Variants in PAX5 observed in about 807,000 individuals in gnomAD.
PAX5 encodes paired box 5, also known as paired box protein Pax-5.
In PAX5, 9 loss-of-function variants were observed where a neutral mutation model predicts 43.7. The observed-to-expected ratio is 0.21, with a 90% CI of 0.12 to 0.36. The LOEUF is 0.36. PAX5 is among the 10% of genes least tolerant of loss of function. The pLI, the probability that PAX5 is intolerant of heterozygous loss-of-function variation, is 1.00. For synonymous variants in PAX5, 228 were observed against 214.3 expected (o/e 1.06, Z -0.56); for missense variants, 383 against 532.7 (o/e 0.72, Z 2.77).
intron 7 of PAX5, among the ~76,000 whole-genome samples, chr9:36,891,881 C>T (rs955174505): frequency 6.6e-6 from 1 of 152,222 alleles, no homozygotes; most frequent in East Asian, 1.9e-4. Flanking sequence ...AACCAGGGAG[C>T]TGTTTACTTT....
At chr9:36,864,228 G>A (rs1265531258) in intron 8 of PAX5, 1 of 154,480 alleles carries the variant, frequency 6.5e-6, no homozygotes, top group Non-Finnish European at 1.5e-5. Context: ...TACAGAGACA[G>A]AAAGGTGACT....
At position 36,904,196 on chromosome 9, in the gene PAX5, T is replaced by C. The variant is rs148782387; in HGVS notation, c.910+19159A>G. 3.7e-3 allele frequency among the ~76,000 whole-genome samples: 561 copies of C among 152,304 alleles called. 3 individuals are homozygous for C. Among genetic ancestry groups the C allele is most frequent in the African/African-American group, 0.013 (542 of 41,566 alleles). On this transcript the variant is annotated intron_variant, in intron 7 of 9. Coordinates refer to ENST00000358127, the MANE Select transcript of PAX5 (RefSeq NM_016734.3). ...GGATGGGAGCATCAGCTATCACTCCTGCTGGTGACTCTTGGCTCATGGGAC... is the reference window on the plus strand; with the variant it reads ...GGATGGGAGCATCAGCTATCACTCCCGCTGGTGACTCTTGGCTCATGGGAC...
intron 6 of PAX5, among the ~76,000 whole-genome samples, chr9:36,935,271 T>C (rs1319325116): frequency 2.0e-5 from 3 of 152,114 alleles, no homozygotes; most frequent in Non-Finnish European, 4.4e-5. Flanking sequence ...TCCCAGCTAC[T>C]TGGGAGGCTG....
intron 5 of PAX5, among the ~76,000 whole-genome samples, chr9:36,982,478 A>T (rs1347273373): frequency 6.6e-6 from 1 of 152,122 alleles, no homozygotes; most frequent in East Asian, 1.9e-4. Context: ...AGATGGACTT[A>T]CAGTCCAAGC....
At chr9:36,863,971 T>A (rs1171306851) in intron 8 of PAX5, among the ~76,000 whole-genome samples, 1 of 152,282 alleles carries the variant, frequency 6.6e-6, no homozygotes, top group East Asian at 1.9e-4. Flanking sequence ...TAGCTGGGCA[T>A]GGTGGCATGT....
chr9:36,909,535 C>T (rs1160659694), intron 7 of PAX5, among the ~76,000 whole-genome samples: 1 of 152,272 alleles, frequency 6.6e-6, no homozygotes, highest in South Asian at 2.1e-4. Flanking sequence ...CCCTTCCTGG[C>T]TTGAGAGAGG....
chr9:36,906,051 G>A (rs1424443053), intron 7 of PAX5, among the ~76,000 whole-genome samples: 2 of 152,150 alleles, frequency 1.3e-5, no homozygotes, highest in Non-Finnish European at 2.9e-5. Context: ...GGTGCCCAGT[G>A]CCCTCACAGA....
intron 7 of PAX5, among the ~76,000 whole-genome samples, chr9:36,899,681 G>A (rs748824803): frequency 6.6e-5 from 10 of 152,146 alleles, no homozygotes; most frequent in African/African-American, 1.4e-4. Flanking sequence ...GGTTGGGGCC[G>A]GGCCACCAGG....
chr9:37,015,266 C>T lies in PAX5; in HGVS notation c.213-72G>A. On this transcript the variant is annotated intron_variant, in intron 2 of 9. Transcript: ENST00000358127. This position sits in a 1 kb window ranked among gnomAD's most constrained non-coding sequence, Gnocchi z 4.4. Reference sequence around the variant, plus strand: ...TGGATATTGGCAACAAAATAACGGGCTACTCTGGCCAGGAAACGTCCGGAT... The same window carrying T: ...TGGATATTGGCAACAAAATAACGGGTTACTCTGGCCAGGAAACGTCCGGAT... 2 of 1,364,510 alleles carry T rather than the reference C, an allele frequency of 1.5e-6. No homozygotes were observed. Among genetic ancestry groups the T allele is most frequent in the Non-Finnish European group, 2.1e-6 (2 of 960,026 alleles). 84.5% of individuals were successfully genotyped at this position (1,364,510 alleles called of 1,614,324 possible).
At chr9:36,907,678 A>G (rs1828935465) in intron 7 of PAX5, among the ~76,000 whole-genome samples, 1 of 152,170 alleles carries the variant, frequency 6.6e-6, no homozygotes, top group Non-Finnish European at 1.5e-5. Flanking sequence ...GTGTCCTTAA[A>G]ACATGAATAA....
intron 5 of PAX5, among the ~76,000 whole-genome samples, chr9:36,988,430 G>A (rs1007534503): frequency 6.6e-6 from 1 of 152,090 alleles, no homozygotes; most frequent in Non-Finnish European, 1.5e-5. Flanking sequence ...GGAGCCTGAG[G>A]CAGGAGGATT....
intron 8 of PAX5, among the ~76,000 whole-genome samples, chr9:36,880,406 T>C (rs975081103): frequency 3.9e-5 from 6 of 152,140 alleles, no homozygotes; most frequent in Non-Finnish European, 7.4e-5. Context: ...CCTATTTGGG[T>C]GGGACTCCAG....
chr9:36,894,096 A>C (rs980970393), intron 7 of PAX5, among the ~76,000 whole-genome samples: 2 of 152,168 alleles, frequency 1.3e-5, no homozygotes, highest in Admixed American at 1.3e-4. Flanking sequence ...GTTTTGGTAC[A>C]TGCCTATATC....
Position 37,020,519 on chromosome 9 carries a change from G to A in PAX5, c.212+117C>T, listed in dbSNP as rs62533713. On this transcript the variant is annotated intron_variant, in intron 2 of 9. Transcript: ENST00000358127. ...TTGCAGACTTTAAAGTGCTCTGCGT[G>A]TGAAACAAAATGCCACCATGATTCT... 114,923 of 1,100,662 alleles carry A rather than the reference G, an allele frequency of 0.1. 6,771 individuals carry two copies. The highest frequency in any genetic ancestry group is 0.12 in the South Asian group (8,611 of 69,324). The allele number at this position is 1,100,662 out of a possible 1,614,324, so 68.2% of individuals were successfully genotyped here. A position where few individuals can be genotyped will look rare whatever the true frequency, so the allele number is the denominator to read the frequency against.
Position 36,900,114 on chromosome 9 carries a change from T to G in PAX5, c.911-18009A>C, listed in dbSNP as rs536045700. Among the ~76,000 whole-genome samples, 9 of 152,342 alleles carry G rather than the reference T, an allele frequency of 5.9e-5. No individual in the cohort carries two copies. In the East Asian group the frequency reaches 1.5e-3, roughly 26 times the overall value. On this transcript the variant is annotated intron_variant, in intron 7 of 9. Coordinates refer to ENST00000358127, the MANE Select transcript of PAX5 (RefSeq NM_016734.3). ...CTGACATCATCGAACATCCTTCTTT[T>G]GTTTGGGGCATTTTCCACTTTAAGA...
intron 7 of PAX5, among the ~76,000 whole-genome samples, chr9:36,921,701 T>A (rs1830181744): frequency 1.3e-5 from 2 of 152,210 alleles, no homozygotes; most frequent in African/African-American, 4.8e-5. Context: ...CTAATCCAGG[T>A]TTCTTTGCAC....
At chr9:36,872,470 C>A (rs1825576800) in intron 8 of PAX5, among the ~76,000 whole-genome samples, 1 of 152,214 alleles carries the variant, frequency 6.6e-6, no homozygotes, top group Non-Finnish European at 1.5e-5. Flanking sequence ...GGCCCTGCCT[C>A]CTGCTTTAAG....
At chr9:36,918,294 A>G (rs187809367) in intron 7 of PAX5, among the ~76,000 whole-genome samples, 2 of 152,372 alleles carry the variant, frequency 1.3e-5, no homozygotes, top group Admixed American at 6.5e-5. Flanking sequence ...AAGGAAATTA[A>G]AAGTGCCATT....
chr9:36,876,824 T>G (rs1825951039), intron 8 of PAX5, among the ~76,000 whole-genome samples: 1 of 152,194 alleles, frequency 6.6e-6, no homozygotes, highest in Admixed American at 6.5e-5. Flanking sequence ...TTTGCAGACA[T>G]GGGGATGCCC....
Sources: gnomAD v4.1 joint callset for allele counts (sites outside exome capture counted in the v4.1 genomes callset) on GRCh38, gnomAD v4.1.1 for gene constraint, Gnocchi (gnomAD v3.1) non-coding constraint, MANE v1.5 for transcripts, NCBI Gene and HGNC (gene_info 2026-07-23, HGNC 2026-07-21) for gene names.